SH2B1: variants seen among roughly 807,000 people sequenced by gnomAD.
SH2B1 encodes the protein SH2B adapter protein 1.
In SH2B1, 15 loss-of-function variants were observed where a neutral mutation model predicts 62.6. That is an observed-to-expected ratio of 0.24 (90% confidence interval 0.16 to 0.37). The LOEUF is 0.37. Ranked by LOEUF, SH2B1 falls within the 10% of genes least tolerant of loss-of-function variation. The probability of loss-of-function intolerance (pLI) is 1.00; values close to 1 mark genes in which losing one functional copy is unlikely to be tolerated. For missense variants in SH2B1, 925 were observed against 1,015.6 expected (o/e 0.91, Z 1.21); for synonymous variants, 443 against 438.0 (o/e 1.01, Z -0.14).
intron 1 of SH2B1, among the ~76,000 whole-genome samples, chr16:28,853,317 C>T (rs954640384): frequency 2.0e-5 from 3 of 148,712 alleles, no homozygotes; most frequent in African/African-American, 7.4e-5. Flanking sequence ...AGCAATTCTG[C>T]CTCAGCCTCA....
rs1011488497 is a variant in SH2B1, at chr16:28,872,548, G to A, written c.1740G>A (p.Ser580=). The A allele has an allele frequency of 3.1e-6, 5 of 1,610,738 alleles. No homozygotes were observed. Among genetic ancestry groups the A allele is most frequent in the African/African-American group, 2.7e-5 (2 of 74,834 alleles). Reference sequence around the variant, plus strand: ...CCCGCCCTCAGCACCTGCGTTTGTCGCTGAACGAGGAGGGTCAGTGCCGGG... The same window carrying A: ...CCCGCCCTCAGCACCTGCGTTTGTCACTGAACGAGGAGGGTCAGTGCCGGG... The part of the protein sequence containing the change: ...FQGKAKHLRL[S]LNEEGQCRVQ... Residue 580 remains serine, a synonymous_variant, in exon 7 of 8, where the codon TCG becomes TCA. Coordinates refer to ENST00000684370, the MANE Select transcript of SH2B1 (RefSeq NM_001387430.1). This position sits in a 1 kb window ranked among gnomAD's most constrained non-coding sequence, Gnocchi z 5.3.
At position 28,865,966 on chromosome 16, in the gene SH2B1, G is replaced by C. The variant is rs1016171421; in HGVS notation, c.-129G>C. The C allele has an allele frequency of 6.8e-7, 1 of 1,469,540 alleles. No individual in the cohort carries two copies. Among genetic ancestry groups the C allele is most frequent in the Non-Finnish European group, 8.9e-7 (1 of 1,118,850 alleles). The allele number at this position is 1,469,540 out of a possible 1,614,324, so 91.0% of individuals were successfully genotyped here. ...GGGGGTGGGATGCAGCCTCCGGTGC[G>C]CCCTCAGCAGTGACCCTCGTGTGTG... On this transcript the variant is annotated 5_prime_UTR_variant, in exon 1 of 8. Transcript: ENST00000684370.
chr16:28,855,212 C>A (rs926244918), intron 1 of SH2B1, among the ~76,000 whole-genome samples: 2 of 151,148 alleles, frequency 1.3e-5, no homozygotes, highest in Non-Finnish European at 1.5e-5. Flanking sequence ...GCAAACATTC[C>A]ATGATTGTTT....
rs1202706515 is a variant in SH2B1 at position 28,852,337 on chromosome 16, TA to T, written c.-301+5511del. Among the ~76,000 whole-genome samples, 28 of 74,156 alleles carry T rather than the reference TA, an allele frequency of 3.8e-4. 1 individual carries two copies. The highest frequency in any genetic ancestry group is 1.6e-3 in the African/African-American group (26 of 16,690). The allele number at this position is 74,156 out of a possible 152,430, so 48.6% of individuals were successfully genotyped here. A position where few individuals can be genotyped will look rare whatever the true frequency, so the allele number is the denominator to read the frequency against. The stretch of plus-strand genomic sequence containing the variant: ...ATTTACATATATATATTTACATATA[TA>T]TTTACATATATATTTATATATATAT... On this transcript the variant is annotated intron_variant, in intron 1 of 10. Coordinates refer to the SH2B1 transcript ENST00000322610.
At chr16:28,850,932 T>TGG (rs1206028855) in intron 1 of SH2B1, among the ~76,000 whole-genome samples, 1 of 151,058 alleles carries the variant, frequency 6.6e-6, no homozygotes, top group African/African-American at 2.4e-5. Flanking sequence ...CCCAGCACTT[T>TGG]GGGAGGCCAA....
chr16:28,855,529 T>C (rs903325741), intron 1 of SH2B1, among the ~76,000 whole-genome samples: 13 of 152,102 alleles, frequency 8.5e-5, no homozygotes, highest in Non-Finnish European at 1.6e-4. Context: ...CCCCCATGAT[T>C]GTTTCTACCT....
rs777618364 is a variant in SH2B1, at chr16:28,864,630, G to A, written c.-1465G>A. On this transcript the variant is annotated 5_prime_UTR_variant, in exon 1 of 8. Transcript: ENST00000684370. ...CTGAGGTCGCTGAGGGTTTGGGGAG[G>A]CTTTCCTGAGCTGCTCTGGCCCCAG... 6.5e-5 allele frequency: 64 copies of A among 985,368 alleles called. No homozygotes were observed. Among genetic ancestry groups the A allele is most frequent in the Admixed American group, 1.2e-4 (2 of 16,230 alleles). The allele number at this position is 985,368 out of a possible 1,614,324, so 61.0% of individuals were successfully genotyped here.
At chr16:28,847,816 C>CTTT (rs34950443) in intron 1 of SH2B1, among the ~76,000 whole-genome samples, 15 of 84,240 alleles carry the variant, frequency 1.8e-4, no homozygotes, top group Non-Finnish European at 2.2e-4. Flanking sequence ...AAGACCCCAT[C>CTTT]TTTTTTTTTT....
chr16:28,853,070 A>ATAT lies in SH2B1; in HGVS notation c.-301+6244_-301+6246dup, dbSNP rs1491246387. On this transcript the variant is annotated intron_variant, in intron 1 of 10. Transcript: ENST00000322610. ...TTTATATATGTACATATATATGTAC[A>ATAT]TATATATTTATATATATTTATACAT... 5.7e-4 allele frequency among the ~76,000 whole-genome samples: 66 copies of ATAT among 114,838 alleles called. 1 individual carries two copies. Among genetic ancestry groups the ATAT allele is most frequent in the African/African-American group, 2.3e-3 (64 of 27,874 alleles). 75.3% of individuals were successfully genotyped at this position (114,838 alleles called of 152,430 possible). A position where few individuals can be genotyped will look rare whatever the true frequency, so the allele number is the denominator to read the frequency against.
intron 1 of SH2B1, among the ~76,000 whole-genome samples, chr16:28,858,361 A>C (rs1209562923): frequency 2.0e-5 from 3 of 152,110 alleles, no homozygotes; most frequent in African/African-American, 7.2e-5. Flanking sequence ...AAAAATACAA[A>C]GATTAGCTGG....
At chr16:28,853,391 G>A (rs1432202849) in intron 1 of SH2B1, among the ~76,000 whole-genome samples, 3 of 150,434 alleles carry the variant, frequency 2.0e-5, no homozygotes, top group Non-Finnish European at 4.4e-5. Flanking sequence ...TTTTAGTGGA[G>A]ACGAGGTTTC....
Position 28,856,929 on chromosome 16 carries a change from G to T in SH2B1, c.-300-4689G>T, listed in dbSNP as rs142964976. ...CCCGTCATACCCATGTCACTCTGAT[G>T]TGATGGGAGACATCACAACTGGAAG... On this transcript the variant is annotated intron_variant, in intron 1 of 10. Transcript: ENST00000322610. Among the ~76,000 whole-genome samples, 330 of 152,228 alleles carry T rather than the reference G, an allele frequency of 2.2e-3. 6 individuals are homozygous for T. The highest frequency in any genetic ancestry group is 7.8e-3 in the African/African-American group (322 of 41,548).
chr16:28,862,605 CTCAAT>C (rs1330960554), upstream of SH2B1: 3 of 142,236 alleles, frequency 2.1e-5, no homozygotes, highest in African/African-American at 7.9e-5. Context: ...CGGCCTTGAC[CTCAAT>C]TCTTTTTTTT....
At chr16:28,861,455 C>G (rs1240707686), upstream of SH2B1, among the ~76,000 whole-genome samples, 2 of 129,414 alleles carry the variant, frequency 1.5e-5, no homozygotes, top group African/African-American at 6.0e-5. Context: ...TTTTTTGAGA[C>G]GGAGTCTCGC....
At chr16:28,869,567 T>A (rs138928620) in intron 4 of SH2B1, among the ~76,000 whole-genome samples, 184 bp downstream of exon 4, 1 of 152,202 alleles carries the variant, frequency 6.6e-6, no homozygotes, top group African/African-American at 2.4e-5. Flanking sequence ...CTGTTTAGAA[T>A]AATCATGACC....
chr16:28,873,569 G>A lies in SH2B1; in HGVS notation c.2020G>A (p.Ala674Thr). 6.3e-7 allele frequency: 1 copy of A among 1,593,622 alleles called. No homozygotes were observed. Among genetic ancestry groups the A allele is most frequent in the East Asian group, 2.3e-5 (1 of 43,624 alleles). ...AGTGGCGGCAGCAGCAGCCGCAGCA[G>A]CCAAAGAGAGGCAAGAGAAAGAGAA... Reference protein sequence around the residue: ...PEVAAAAAAAAKERQEKEKAG... With the variant: ...PEVAAAAAAATKERQEKEKAG... Residue 674 changes from alanine to threonine, a missense_variant, in exon 8 of 8, where the codon GCC becomes ACC. Coordinates refer to ENST00000684370, the MANE Select transcript of SH2B1 (RefSeq NM_001387430.1). The surrounding 1 kb of genome is among the most constrained non-coding windows in gnomAD (Gnocchi z 4.2).
rs186075186 is a variant in SH2B1, at chr16:28,873,026, G to A, written c.1897+321G>A. On this transcript the variant is annotated intron_variant, in intron 7 of 7. Coordinates refer to ENST00000684370, the MANE Select transcript of SH2B1 (RefSeq NM_001387430.1). This position sits in a 1 kb window ranked among gnomAD's most constrained non-coding sequence, Gnocchi z 4.2. ...CCTGGCCTCGTCTTTGCCCTCCGTCGCAGCCTGGCCTTGGGCCTGCCCTTC... is the reference window on the plus strand; with the variant it reads ...CCTGGCCTCGTCTTTGCCCTCCGTCACAGCCTGGCCTTGGGCCTGCCCTTC... The A allele has an allele frequency of 5.7e-5, 38 of 665,160 alleles. 1 individual carries two copies. The highest frequency in any genetic ancestry group is 3.2e-4 in the Admixed American group (11 of 34,406). The allele number at this position is 665,160 out of a possible 1,614,324, so 41.2% of individuals were successfully genotyped here.
chr16:28,861,385 C>T (rs1029922294), upstream of SH2B1, among the ~76,000 whole-genome samples: 6 of 151,640 alleles, frequency 4.0e-5, no homozygotes, highest in Non-Finnish European at 7.4e-5. Flanking sequence ...CCCGCCTCAG[C>T]CTCCCAGTGT....
upstream of SH2B1, chr16:28,863,711 T>A (rs1030834245): frequency 1.3e-5 from 20 of 1,535,650 alleles, no homozygotes; most frequent in Non-Finnish European, 1.7e-5. Context: ...ATTCACACCG[T>A]CTTCGGTCTC....
Sources: gnomAD v4.1 joint callset for allele counts (sites outside exome capture counted in the v4.1 genomes callset) on GRCh38, gnomAD v4.1.1 for gene constraint, Gnocchi (gnomAD v3.1) non-coding constraint, MANE v1.5 for transcripts, NCBI Gene and HGNC (gene_info 2026-07-23, HGNC 2026-07-21) for gene names.